The following BTNL3 variants were observed in gnomAD, a reference collection of about 807,000 sequenced individuals.
BTNL3 encodes butyrophilin like 3, also known as butyrophilin-like protein 3.
BTNL3 carries 20 observed loss-of-function variants against 40.1 expected under a neutral mutation model. The observed-to-expected ratio is 0.50, with a 90% CI of 0.35 to 0.72. The LOEUF is 0.72. Among genes scored for constraint, BTNL3 ranks in the 30% least tolerant of loss-of-function variants. BTNL3 has a pLI of 0.01. For missense variants in BTNL3, 449 were observed against 582.2 expected (o/e 0.77, Z 2.35); for synonymous variants, 179 against 222.1 (o/e 0.81, Z 1.73).
intron 1 of BTNL3, among the ~76,000 whole-genome samples, chr5:180,991,913 A>C (rs1759975866): frequency 7.3e-6 from 1 of 136,936 alleles, no homozygotes; most frequent in Non-Finnish European, 1.7e-5. Context: ...ACTAACGATA[A>C]CTAATGAATG....
At chr5:180,991,243 T>G (rs115282270) in intron 1 of BTNL3, among the ~76,000 whole-genome samples, 5 of 137,854 alleles carry the variant, frequency 3.6e-5, no homozygotes, top group African/African-American at 1.2e-4. Flanking sequence ...ATGAGTGAAA[T>G]ACATTTCAGC....
In BTNL3 at chr5:180,997,310, C is replaced by A; in HGVS notation, c.495C>A (p.Ala165=). Residue 165 remains alanine (A), a synonymous_variant, in exon 3 of 8, where the codon GCC becomes GCA. Transcript: ENST00000342868. ...CAGGCTGGTTCCCCCAGCCCACAGC[C>A]AAGTGGAAAGGTCCACAAGGACAGG... ...LSSGWFPQPT[A]KWKGPQGQDL... The A allele has an allele frequency of 6.8e-7, 1 of 1,464,702 alleles. No homozygotes were observed. Among genetic ancestry groups the A allele is most frequent in the South Asian group, 1.1e-5 (1 of 89,306 alleles). 90.7% of individuals were successfully genotyped at this position (1,464,702 alleles called of 1,614,324 possible). A position where few individuals can be genotyped will look rare whatever the true frequency, so the allele number is the denominator to read the frequency against.
chr5:180,992,472 G>A (rs1759981896), intron 1 of BTNL3, among the ~76,000 whole-genome samples: 1 of 136,700 alleles, frequency 7.3e-6, no homozygotes. Context: ...AGGAGAGCAC[G>A]TGGAGATAGA....
chr5:181,002,505 T>TATATATATATATATATATATATATA (rs34535231), intron 3 of BTNL3, among the ~76,000 whole-genome samples, 167 bp from the exon 4 acceptor site: 3 of 103,880 alleles, frequency 2.9e-5, no homozygotes, highest in African/African-American at 6.6e-5. Flanking sequence ...TATATATATA[T>TATATATATATATATATATATATATA]GAAATCCGGA....
intron 3 of BTNL3, among the ~76,000 whole-genome samples, chr5:180,999,689 A>G (rs1425835793): frequency 7.4e-6 from 1 of 136,012 alleles, no homozygotes; most frequent in African/African-American, 2.5e-5. Flanking sequence ...AATCCCAGCT[A>G]CTCTGGAGGC....
At position 181,005,634 on chromosome 5, in the gene BTNL3, A is replaced by G; in HGVS notation, c.1163A>G (p.Tyr388Cys). 6.2e-7 allele frequency: 1 copy of G among 1,613,904 alleles called. No individual in the cohort carries two copies. The highest frequency in any genetic ancestry group is 8.5e-7 in the Non-Finnish European group (1 of 1,179,948). ...WVLRLTTEHL[Y>C]FTFNPHFISL... ...CTCAGACTGACAACAGAACATTTGT[A>G]TTTCACATTCAATCCCCATTTTATC... The change falls in exon 8 of 8, where the codon TAT (tyrosine) becomes TGT (cysteine). Residue 388 changes from tyrosine to cysteine, a missense_variant. Tyr to Cys is a radical substitution (Grantham distance 194, BLOSUM62 -2). Around this residue, in one of 2 missense-constraint regions of BTNL3, gnomAD observed 126 missense variants for 117.2 expected, o/e 1.07. Transcript: ENST00000342868.
intron 2 of BTNL3, among the ~76,000 whole-genome samples, chr5:180,994,305 A>G (rs1270421309): frequency 2.9e-5 from 4 of 137,264 alleles, no homozygotes; most frequent in African/African-American, 1.0e-4. Flanking sequence ...TTATCTGAGA[A>G]TAAATATGCA....
intron 3 of BTNL3, among the ~76,000 whole-genome samples, chr5:181,001,907 C>CT (rs1386581791): frequency 7.6e-6 from 1 of 131,914 alleles, no homozygotes; most frequent in Non-Finnish European, 1.7e-5. Context: ...TAAACATTAC[C>CT]TTTAAAAAAA....
chr5:181,005,498 T>C lies in BTNL3; in HGVS notation c.1027T>C (p.Trp343Arg), dbSNP rs753145649. The C allele has an allele frequency of 1.3e-5, 21 of 1,614,062 alleles. No homozygotes were observed. In the South Asian group the frequency reaches 2.2e-4, roughly 17 times the overall value. ...SQGFQAGKHY[W>R]EVDVGQNVGW... ...GGGTTTCCAAGCAGGGAAACATTACTGGGAGGTGGACGTGGGACAAAATGT... is the reference window on the plus strand; with the variant it reads ...GGGTTTCCAAGCAGGGAAACATTACCGGGAGGTGGACGTGGGACAAAATGT... The change falls in exon 8 of 8, where the codon TGG (tryptophan) becomes CGG (arginine). Residue 343 changes from tryptophan to arginine, a missense_variant. Trp to Arg is a moderately radical substitution (Grantham distance 101). Coordinates refer to ENST00000342868, the MANE Select transcript of BTNL3 (RefSeq NM_197975.3).
intron 3 of BTNL3, among the ~76,000 whole-genome samples, chr5:181,001,500 T>TTGGG (rs566492732): frequency 8.6e-6 from 1 of 116,328 alleles, no homozygotes; most frequent in African/African-American, 3.0e-5. Flanking sequence ...TTTTTATAGA[T>TTGGG]GGGGGGGGGT....
At position 180,994,004 on chromosome 5, in the gene BTNL3, C is replaced by T. The variant is rs1353774647; in HGVS notation, c.397+844C>T. On this transcript the variant is annotated intron_variant, in intron 2 of 7. Coordinates refer to ENST00000342868, the MANE Select transcript of BTNL3 (RefSeq NM_197975.3). ...ATTTTTAGTAGAGATGGGGTTCTGC[C>T]ATGTTGGCCAGCTGGTCTCAAACTC... Among the ~76,000 whole-genome samples, 2 of 135,478 alleles carry T rather than the reference C, an allele frequency of 1.5e-5. 1 individual carries two copies. The highest frequency in any genetic ancestry group is 4.4e-4 in the East Asian group (2 of 4,586). 88.9% of individuals were successfully genotyped at this position (135,478 alleles called of 152,430 possible).
At chr5:180,995,241 T>C (rs1279920209) in intron 2 of BTNL3, among the ~76,000 whole-genome samples, 1 of 137,530 alleles carries the variant, frequency 7.3e-6, no homozygotes, top group Non-Finnish European at 1.7e-5. Flanking sequence ...CATAATTGCT[T>C]TTTGAAACAT....
intron 7 of BTNL3, among the ~76,000 whole-genome samples, chr5:181,005,044 T>G (rs1405455699): frequency 2.6e-5 from 4 of 152,100 alleles, no homozygotes; most frequent in Non-Finnish European, 5.9e-5. Flanking sequence ...TAGCAGGAAC[T>G]GGTGGGTGGA....
At position 181,001,452 on chromosome 5, in the gene BTNL3, C is replaced by A. The variant is rs1025440349; in HGVS notation, c.674-1220C>A. ...CCAAGTAGCTGGGACCACAGGTGTG[C>A]ACCACCATGCCTGGCTAATTTTTTT... On this transcript the variant is annotated intron_variant, in intron 3 of 7. Transcript: ENST00000342868. 3.0e-5 allele frequency among the ~76,000 whole-genome samples: 4 copies of A among 132,230 alleles called. 1 individual carries two copies. The highest frequency in any genetic ancestry group is 1.0e-4 in the African/African-American group (4 of 38,398). 86.7% of individuals were successfully genotyped at this position (132,230 alleles called of 152,430 possible).
intron 4 of BTNL3, 84 bp from the exon 5 acceptor site, chr5:181,003,772 G>T (rs376553425): frequency 1.9e-6 from 3 of 1,609,776 alleles, no homozygotes; most frequent in Non-Finnish European, 1.7e-6. Flanking sequence ...CCTGCAGCTC[G>T]TCCCACCTGT....
rs1760025468 is a variant in BTNL3, at chr5:180,995,514, T to C, written c.398-1699T>C. ...TTAATTTTCAGAGACTTTACTGTGT[T>C]ATTTTGGTCTACTTTGCTTAACTGA... On this transcript the variant is annotated intron_variant, in intron 2 of 7. Transcript: ENST00000342868. Among the ~76,000 whole-genome samples the C allele has an allele frequency of 1.5e-5, 2 of 136,936 alleles. 1 individual carries two copies. Among genetic ancestry groups the C allele is most frequent in the South Asian group, 4.3e-4 (2 of 4,618 alleles). 89.8% of individuals were successfully genotyped at this position (136,936 alleles called of 152,430 possible). A position where few individuals can be genotyped will look rare whatever the true frequency, so the allele number is the denominator to read the frequency against.
chr5:181,003,109 A>G (rs1760153196), intron 4 of BTNL3, among the ~76,000 whole-genome samples: 1 of 136,306 alleles, frequency 7.3e-6, no homozygotes, highest in East Asian at 2.2e-4. Context: ...TAATCCCAGC[A>G]CTTTGGGAGG....
rs575155299 is a variant in BTNL3, at chr5:181,005,844, T to C, written c.1373T>C (p.Ile458Thr). ...AMYDEEKGTP[I>T]FICPVSWG ...TATGACGAGGAAAAGGGGACTCCCA[T>C]ATTCATATGTCCAGTGTCCTGGGGA... Residue 458 changes from isoleucine (I) to threonine (T), a missense_variant, in exon 8 of 8, where the codon ATA becomes ACA. Ile to Thr is a moderately conservative substitution (Grantham distance 89). This residue lies in a region of BTNL3 where 126 missense variants were observed against 117.2 expected (regional missense o/e 1.07). Coordinates refer to ENST00000342868, the MANE Select transcript of BTNL3 (RefSeq NM_197975.3). 1.2e-6 allele frequency: 2 copies of C among 1,611,276 alleles called. No individual in the cohort carries two copies. Among genetic ancestry groups the C allele is most frequent in the Non-Finnish European group, 1.7e-6 (2 of 1,178,506 alleles).
chr5:181,002,376 GTA>G (rs55873315), intron 3 of BTNL3, among the ~76,000 whole-genome samples: 10,618 of 81,290 alleles, frequency 0.13, 1,538 homozygotes, highest in Middle Eastern at 0.2. Context: ...ACGTGTGTGT[GTA>G]TATATATATA....
Sources: gnomAD v4.1 joint callset for allele counts (sites outside exome capture counted in the v4.1 genomes callset) on GRCh38, gnomAD v4.1.1 for gene constraint, gnomAD v4.1.1 regional missense constraint, MANE v1.5 for transcripts, NCBI Gene and HGNC (gene_info 2026-07-23, HGNC 2026-07-21) for gene names.